The following GALNT13 variants were observed in gnomAD, a reference collection of about 807,000 sequenced individuals.
GALNT13 encodes the protein UDP-GalNAc:polypeptide N-acetylgalactosaminyltransferase 13.
Under a neutral mutation model 64.2 loss-of-function variants are expected in GALNT13, and 28 were observed. The ratio of observed to expected loss-of-function variants is 0.44; its 90% CI spans 0.32 to 0.60. GALNT13 has a LOEUF of 0.60. GALNT13 is among the 20% of genes least tolerant of loss of function. The pLI, the probability that GALNT13 is intolerant of heterozygous loss-of-function variation, is 0.05. For missense variants in GALNT13, 577 were observed against 669.8 expected (o/e 0.86, Z 1.53); for synonymous variants, 214 against 224.6 (o/e 0.95, Z 0.42).
the GALNT13 span, among the ~76,000 whole-genome samples, chr2:153,691,229 T>A: frequency 2.6e-5 from 4 of 152,298 alleles, no homozygotes; most frequent in Admixed American, 6.5e-5. Context: ...ATATTATGTA[T>A]TATATATTTT....
chr2:154,140,716 T>C (rs149871363), intron 4 of GALNT13, among the ~76,000 whole-genome samples: 17 of 152,270 alleles, frequency 1.1e-4, no homozygotes, highest in African/African-American at 3.8e-4. Context: ...GCAAAGATGC[T>C]GCAAAATACT....
chr2:153,243,393 T>C, the GALNT13 span, among the ~76,000 whole-genome samples: 1,870 of 152,300 alleles, frequency 0.012, 20 homozygotes, highest in Non-Finnish European at 0.018. Context: ...ACCTTGCCCC[T>C]AGCTATGCTG....
intron 4 of GALNT13, among the ~76,000 whole-genome samples, chr2:154,167,023 T>C (rs1170481767): frequency 6.6e-6 from 1 of 152,082 alleles, no homozygotes; most frequent in African/African-American, 2.4e-5. Context: ...ATATACCTAA[T>C]GTAAATGATG....
the GALNT13 span, among the ~76,000 whole-genome samples, chr2:153,684,090 A>C: frequency 7.0e-5 from 10 of 142,032 alleles, no homozygotes; most frequent in African/African-American, 1.3e-4. Context: ...ATATATATAT[A>C]TCCCAGGCCA....
chr2:154,379,913 G>A (rs138253219), intron 9 of GALNT13, among the ~76,000 whole-genome samples: 1 of 152,092 alleles, frequency 6.6e-6, no homozygotes, highest in African/African-American at 2.4e-5. Context: ...ACTGTTAAGT[G>A]AAGTAGCAAA....
the GALNT13 span, among the ~76,000 whole-genome samples, chr2:153,661,980 T>C: frequency 6.6e-6 from 1 of 152,166 alleles, no homozygotes; most frequent in Non-Finnish European, 1.5e-5. Flanking sequence ...GCCAAGAAAA[T>C]GTGTACTCTT....
Position 154,140,492 on chromosome 2 carries a change from G to A in GALNT13, c.298G>A (p.Val100Ile), listed in dbSNP as rs1355220683. The change falls in exon 4 of 13, where the codon GTA (valine) becomes ATA (isoleucine). Residue 100 changes from valine to isoleucine, a missense_variant. Val to Ile is a conservative substitution (Grantham distance 29, BLOSUM62 3). Transcript: ENST00000392825. The part of the protein sequence containing the change: ...LIALNRSLPD[V>I]RLEGCKTKVY... ...TGCCCTTAATAGAAGTCTGCCAGAT[G>A]TAAGATTAGAAGGGTAAGTTTGCAT... 1.2e-6 allele frequency: 2 copies of A among 1,608,318 alleles called. No individual in the cohort carries two copies. The highest frequency in any genetic ancestry group is 1.7e-6 in the Non-Finnish European group (2 of 1,176,118).
chr2:153,887,981 T>G (rs1009350577), intron 1 of GALNT13, among the ~76,000 whole-genome samples: 2 of 152,056 alleles, frequency 1.3e-5, no homozygotes, highest in African/African-American at 2.4e-5. Flanking sequence ...TTTTTATACA[T>G]GCTTATTTGG....
intron 1 of GALNT13, among the ~76,000 whole-genome samples, chr2:153,879,946 A>G (rs899905165): frequency 2.0e-5 from 3 of 152,204 alleles, no homozygotes; most frequent in African/African-American, 4.8e-5. Context: ...GACCAAAACA[A>G]TATTAATAAT....
At chr2:153,305,405 T>A in the GALNT13 span, among the ~76,000 whole-genome samples, 1 of 152,238 alleles carries the variant, frequency 6.6e-6, no homozygotes, top group Admixed American at 6.5e-5. Context: ...TCTTAAAATC[T>A]GCACACTGTG....
chr2:153,591,528 A>T, the GALNT13 span, among the ~76,000 whole-genome samples: 1 of 152,110 alleles, frequency 6.6e-6, no homozygotes. Context: ...GAGGCATTGC[A>T]TTACCTGACT....
chr2:153,213,049 A>T, the GALNT13 span, among the ~76,000 whole-genome samples: 1 of 152,252 alleles, frequency 6.6e-6, no homozygotes, highest in Non-Finnish European at 1.5e-5. Flanking sequence ...CTAAAAAGTC[A>T]ACAGGTGTGT....
chr2:154,444,078 G>A (rs150435793), intron 12 of GALNT13, among the ~76,000 whole-genome samples: 386 of 152,210 alleles, frequency 2.5e-3, no homozygotes, highest in Admixed American at 4.9e-3. Flanking sequence ...AGTGGCATGG[G>A]CCTGTAGTAC....
At chr2:153,290,688 G>C in the GALNT13 span, among the ~76,000 whole-genome samples, 1 of 152,142 alleles carries the variant, frequency 6.6e-6, no homozygotes, top group Non-Finnish European at 1.5e-5. Flanking sequence ...CAAGGCATTT[G>C]CTTTAAAAAT....
chr2:154,038,687 C>T (rs749358794), intron 3 of GALNT13, among the ~76,000 whole-genome samples: 1 of 151,962 alleles, frequency 6.6e-6, no homozygotes, highest in Non-Finnish European at 1.5e-5. Flanking sequence ...AGTAATGCTT[C>T]AAGACATGAG....
the GALNT13 span, among the ~76,000 whole-genome samples, chr2:153,074,619 T>C: frequency 6.6e-6 from 1 of 152,308 alleles, no homozygotes; most frequent in East Asian, 1.9e-4. Flanking sequence ...GTGATAGGAA[T>C]TTTTCAGCTT....
chr2:153,408,517 C>T, the GALNT13 span, among the ~76,000 whole-genome samples: 10 of 152,128 alleles, frequency 6.6e-5, no homozygotes, highest in Admixed American at 3.3e-4. Context: ...GACTTTCTTA[C>T]TTTGGCAATC....
chr2:153,103,596 T>C, the GALNT13 span, among the ~76,000 whole-genome samples: 1 of 152,372 alleles, frequency 6.6e-6, no homozygotes, highest in South Asian at 2.1e-4. Flanking sequence ...ACAGAGTGAA[T>C]GATGCCAACG....
At chr2:153,525,842 A>G in the GALNT13 span, among the ~76,000 whole-genome samples, 1 of 152,196 alleles carries the variant, frequency 6.6e-6, no homozygotes, top group African/African-American at 2.4e-5. Flanking sequence ...TGTAAGTCCC[A>G]GGCCAGAGAG....
Sources: gnomAD v4.1 joint callset for allele counts (sites outside exome capture counted in the v4.1 genomes callset) on GRCh38, gnomAD v4.1.1 for gene constraint, MANE v1.5 for transcripts, NCBI Gene and HGNC (gene_info 2026-07-23, HGNC 2026-07-21) for gene names.